The following COLEC12 variants were observed in gnomAD, a reference collection of about 807,000 sequenced individuals.
COLEC12 encodes the protein collectin-12.
In COLEC12, 33 loss-of-function variants were observed where a neutral mutation model predicts 71.1. The ratio of observed to expected loss-of-function variants is 0.46; its 90% CI spans 0.35 to 0.62. The LOEUF is 0.62. COLEC12 is among the 20% of genes least tolerant of loss of function. COLEC12 has a pLI of 0.00. For synonymous variants in COLEC12, 350 were observed against 353.0 expected (o/e 0.99, Z 0.10); for missense variants, 765 against 916.1 (o/e 0.84, Z 2.13).
intron 2 of COLEC12, among the ~76,000 whole-genome samples, chr18:474,833 G>A (rs1428837458): frequency 6.6e-6 from 1 of 152,094 alleles, no homozygotes; most frequent in East Asian, 1.9e-4. Flanking sequence ...TGCAGTTTTG[G>A]AGGCCAAGGC....
chr18:386,721 T>A (rs1178767100), intron 2 of COLEC12, among the ~76,000 whole-genome samples: 1 of 152,230 alleles, frequency 6.6e-6, no homozygotes, highest in Non-Finnish European at 1.5e-5. Context: ...CAGGCAGACC[T>A]GAATTTGGAA....
chr18:472,584 G>T (rs1038498113), intron 2 of COLEC12, among the ~76,000 whole-genome samples: 5 of 150,724 alleles, frequency 3.3e-5, no homozygotes, highest in African/African-American at 1.2e-4. Context: ...CTACTTGGGA[G>T]GCTGAGGTGA....
chr18:464,271 T>C (rs923527523), intron 2 of COLEC12, among the ~76,000 whole-genome samples: 3 of 152,244 alleles, frequency 2.0e-5, no homozygotes, highest in Non-Finnish European at 2.9e-5. Context: ...GTCACTATTC[T>C]GCAGCCTCCT....
chr18:407,321 T>C (rs1915810085), intron 2 of COLEC12, among the ~76,000 whole-genome samples: 1 of 152,170 alleles, frequency 6.6e-6, no homozygotes, highest in African/African-American at 2.4e-5. Flanking sequence ...GTAGTGTATA[T>C]ACAGAAAGGG....
intron 1 of COLEC12, among the ~76,000 whole-genome samples, chr18:497,532 G>T (rs1461304012): frequency 1.3e-5 from 2 of 152,104 alleles, no homozygotes; most frequent in Non-Finnish European, 2.9e-5. Context: ...AGCTTCCCAA[G>T]TAGCTGGGAC....
intron 2 of COLEC12, among the ~76,000 whole-genome samples, chr18:369,502 GGTTA>G (rs1310109432): frequency 3.4e-5 from 5 of 146,194 alleles, no homozygotes; most frequent in African/African-American, 1.0e-4. Flanking sequence ...ACATTGTGCA[GGTTA>G]GTTACATATG....
At chr18:350,315 T>A (rs1016563829) in intron 3 of COLEC12, among the ~76,000 whole-genome samples, 4 of 152,150 alleles carry the variant, frequency 2.6e-5, no homozygotes, top group Admixed American at 6.5e-5. Flanking sequence ...GTGTAAGAAG[T>A]GCCTTTTGCC....
intron 2 of COLEC12, among the ~76,000 whole-genome samples, chr18:465,971 G>A (rs1199397250): frequency 2.6e-5 from 4 of 152,166 alleles, no homozygotes; most frequent in African/African-American, 4.8e-5. Context: ...CCACTTGGGC[G>A]GCAGGAGAAT....
chr18:403,620 C>T (rs1915729919), intron 2 of COLEC12, among the ~76,000 whole-genome samples: 1 of 152,258 alleles, frequency 6.6e-6, no homozygotes, highest in Admixed American at 6.5e-5. Context: ...ACTGAAGACA[C>T]ATCCTTCTTA....
At chr18:344,072 AAAATT>A (rs1219786020) in intron 5 of COLEC12, among the ~76,000 whole-genome samples, 1 of 152,226 alleles carries the variant, frequency 6.6e-6, no homozygotes, top group African/African-American at 2.4e-5. Context: ...ATAAAACTAT[AAAATT>A]AATAACTAGA....
At chr18:344,288 G>A (rs947707714) in intron 5 of COLEC12, among the ~76,000 whole-genome samples, 2 of 152,184 alleles carry the variant, frequency 1.3e-5, no homozygotes, top group African/African-American at 4.8e-5. Flanking sequence ...GGAACATTCT[G>A]TAAAACCAAA....
intron 9 of COLEC12, among the ~76,000 whole-genome samples, chr18:321,065 C>A (rs1913692508): frequency 6.6e-6 from 1 of 152,078 alleles, no homozygotes; most frequent in South Asian, 2.1e-4. Context: ...TATCTCTTTT[C>A]TTTTTTGAGA....
intron 2 of COLEC12, among the ~76,000 whole-genome samples, chr18:373,048 C>G (rs1915035585): frequency 6.6e-6 from 1 of 152,200 alleles, no homozygotes; most frequent in Non-Finnish European, 1.5e-5. Flanking sequence ...CAGGACAAAA[C>G]TCTGATGGTA....
intron 2 of COLEC12, among the ~76,000 whole-genome samples, chr18:463,087 G>T (rs1917014820): frequency 6.6e-6 from 1 of 152,152 alleles, no homozygotes; most frequent in African/African-American, 2.4e-5. Flanking sequence ...AACCGAGAGG[G>T]TTCACTTGAT....
chr18:481,026 A>AC (rs1246519740), intron 1 of COLEC12, among the ~76,000 whole-genome samples: 2 of 151,826 alleles, frequency 1.3e-5, no homozygotes, highest in African/African-American at 2.4e-5. Flanking sequence ...TTTCTGGACC[A>AC]CCCGGCCACT....
chr18:319,995 CT>C lies in COLEC12; in HGVS notation c.*49del. ...GGTGATGCAATTAGAAAGGAGTGTC[CT>C]TTGCCTTTGAGAGCTGAAAATTTGC... On this transcript the variant is annotated 3_prime_UTR_variant, in exon 10 of 10. Coordinates refer to ENST00000400256, the MANE Select transcript of COLEC12 (RefSeq NM_130386.3). 1 of 1,177,458 alleles carries C rather than the reference CT, an allele frequency of 8.5e-7. No homozygotes were observed. Among genetic ancestry groups the C allele is most frequent in the Non-Finnish European group, 1.2e-6 (1 of 810,484 alleles). 72.9% of individuals were successfully genotyped at this position (1,177,458 alleles called of 1,614,324 possible).
At chr18:339,727 T>C (rs1977932) in intron 5 of COLEC12, among the ~76,000 whole-genome samples, 18,362 of 152,144 alleles carry the variant, frequency 0.12, 1,339 homozygotes, top group African/African-American at 0.17. Flanking sequence ...AGATGCTGGG[T>C]TAGGTCAAAA....
At chr18:365,129 C>A (rs976610980) in intron 2 of COLEC12, among the ~76,000 whole-genome samples, 4 of 152,084 alleles carry the variant, frequency 2.6e-5, no homozygotes, top group Non-Finnish European at 5.9e-5. Context: ...GATAGATAAG[C>A]CTTTCTCAGA....
chr18:396,374 C>T (rs935531118), intron 2 of COLEC12, among the ~76,000 whole-genome samples: 4 of 152,236 alleles, frequency 2.6e-5, no homozygotes, highest in African/African-American at 9.6e-5. Flanking sequence ...CAGCTCCTCT[C>T]CACCATCCAA....
Sources: gnomAD v4.1 joint callset for allele counts (sites outside exome capture counted in the v4.1 genomes callset) on GRCh38, gnomAD v4.1.1 for gene constraint, MANE v1.5 for transcripts, NCBI Gene and HGNC (gene_info 2026-07-23, HGNC 2026-07-21) for gene names.